PHF20L1: variants seen among roughly 807,000 people sequenced by gnomAD.
PHF20L1 encodes the protein PHD finger protein 20 like 1.
A neutral mutation model predicts 125.5 loss-of-function variants in PHF20L1; 44 were observed. That is an observed-to-expected ratio of 0.35 (90% CI 0.28 to 0.45). PHF20L1 has a LOEUF of 0.45. Among genes scored for constraint, PHF20L1 ranks in the 20% least tolerant of loss-of-function variants. The pLI, the probability that PHF20L1 is intolerant of heterozygous loss-of-function variation, is 1.00. For synonymous variants in PHF20L1, 380 were observed against 403.1 expected, an observed-to-expected ratio of 0.94 and a Z score of 0.69; for missense variants, 1,012 against 1,217.2, an observed-to-expected ratio of 0.83 and a Z score of 2.51.
chr8:132,780,211 A>C (rs544015366), intron 2 of PHF20L1, among the ~76,000 whole-genome samples: 1 of 152,276 alleles, frequency 6.6e-6, no homozygotes, highest in South Asian at 2.1e-4. Context: ...TGCCCCTTAA[A>C]TTTAGTATTA....
Position 132,847,226 on chromosome 8 carries a change from G to A in PHF20L1, c.*1303G>A, listed in dbSNP as rs932103663. ...TACACATATTTATATCACATATCTA[G>A]TTTTATTACTATAGACTATACGAAT... On this transcript the variant is annotated 3_prime_UTR_variant, in exon 21 of 21. Transcript: ENST00000395386. The A allele has an allele frequency of 6.6e-6, 1 of 152,538 alleles. No individual in the cohort carries two copies. The highest frequency in any genetic ancestry group is 2.4e-5 in the African/African-American group (1 of 41,422). The allele number at this position is 152,538 out of a possible 1,614,324, so 9.4% of individuals were successfully genotyped here.
chr8:132,795,709 G>A (rs1175083107), intron 4 of PHF20L1, among the ~76,000 whole-genome samples: 1 of 151,790 alleles, frequency 6.6e-6, no homozygotes, highest in African/African-American at 2.4e-5. Flanking sequence ...ACCCCCAGTG[G>A]GTATTTGAAA....
Position 132,831,988 on chromosome 8 carries a change from A to G in PHF20L1, c.1745-247A>G, listed in dbSNP as rs1388530149. ...TTTTTCACCTCTATAGTACTTCACA[A>G]AAGTTTACAGGTACCAGTTAGAACC... is the stretch of plus-strand genomic sequence containing the variant. On this transcript the variant is annotated intron_variant, in intron 14 of 20. Transcript: ENST00000395386. 3.9e-5 allele frequency among the ~76,000 whole-genome samples: 6 copies of G among 152,224 alleles called. No homozygotes were observed. The East Asian group carries it at 1.2e-3, about 29-fold the overall frequency.
chr8:132,788,336 A>G (rs141985784), intron 2 of PHF20L1, among the ~76,000 whole-genome samples: 77 of 152,298 alleles, frequency 5.1e-4, no homozygotes, highest in Non-Finnish European at 1.3e-4. Context: ...GAAAGTGATT[A>G]TTTAAAATAC....
intron 12 of PHF20L1, among the ~76,000 whole-genome samples, chr8:132,821,530 T>C (rs1835596017): frequency 6.6e-6 from 1 of 151,986 alleles, no homozygotes; most frequent in East Asian, 1.9e-4. Context: ...CAGTTTATTT[T>C]CCAGATTCGT....
intron 6 of PHF20L1, among the ~76,000 whole-genome samples, chr8:132,802,588 C>T (rs1373709490): frequency 1.3e-5 from 2 of 151,736 alleles, no homozygotes; most frequent in East Asian, 1.9e-4. Context: ...AATGCTTAGC[C>T]TAGTACCTGG....
chr8:132,817,239 C>T, intron 11 of PHF20L1, 100 bp from the exon 12 acceptor site: 1 of 1,064,728 alleles, frequency 9.4e-7, no homozygotes, highest in Non-Finnish European at 1.4e-6. Context: ...CTTCTTTGTG[C>T]CAGGCACTGT....
chr8:132,785,142 G>C (rs889566841), intron 2 of PHF20L1, among the ~76,000 whole-genome samples: 4 of 152,112 alleles, frequency 2.6e-5, no homozygotes, highest in African/African-American at 9.7e-5. Context: ...TTGCTTATCT[G>C]ACATTTGGTT....
intron 8 of PHF20L1, chr8:132,807,544 A>G (rs1010723750): frequency 6.1e-5 from 19 of 312,732 alleles, no homozygotes; most frequent in Admixed American, 3.5e-4. Context: ...TGAATTGACC[A>G]GTAGTATGTT....
intron 6 of PHF20L1, chr8:132,803,559 C>T: frequency 2.6e-6 from 1 of 377,824 alleles, no homozygotes; most frequent in Non-Finnish European, 4.8e-6. Context: ...AGATTTTATT[C>T]CTGTGAAAAT....
Position 132,800,305 on chromosome 8 carries a change from A to G in PHF20L1, c.507+1133A>G, listed in dbSNP as rs181819639. On this transcript the variant is annotated intron_variant, in intron 6 of 20. Transcript: ENST00000395386. ...TCAGTGCCAAGATATAAAACAACTG[A>G]AATAATATTTGGGTAGTAGTATATT... Among the ~76,000 whole-genome samples, 6 of 151,840 alleles carry G rather than the reference A, an allele frequency of 4.0e-5. No individual in the cohort carries two copies. In the East Asian group the frequency reaches 1.2e-3, roughly 29 times the overall value.
intron 2 of PHF20L1, among the ~76,000 whole-genome samples, chr8:132,782,624 A>G (rs936486308): frequency 2.6e-5 from 4 of 151,720 alleles, no homozygotes; most frequent in Admixed American, 2.6e-4. Flanking sequence ...ACTGTCACCC[A>G]GGCTGCAGTG....
At chr8:132,829,115 CAG>C (rs1587031198) in intron 14 of PHF20L1, among the ~76,000 whole-genome samples, 1 of 152,032 alleles carries the variant, frequency 6.6e-6, no homozygotes, top group Non-Finnish European at 1.5e-5. Flanking sequence ...GGAATACAGA[CAG>C]GGTGCGGAAT....
In PHF20L1 at chr8:132,775,404, G is replaced by C. The variant is rs1232873653; in HGVS notation, c.-279G>C. On this transcript the variant is annotated 5_prime_UTR_variant, in exon 1 of 21. Coordinates refer to ENST00000395386, the MANE Select transcript of PHF20L1 (RefSeq NM_016018.5). ...CGTCGCGTCAGGGCTGGCCGGCGGCGGAGGCGGCGGCGGCGGCGGCGATGG... is the reference window on the plus strand; with the variant it reads ...CGTCGCGTCAGGGCTGGCCGGCGGCCGAGGCGGCGGCGGCGGCGGCGATGG... 2 of 382,622 alleles carry C rather than the reference G, an allele frequency of 5.2e-6. No individual in the cohort carries two copies. Among genetic ancestry groups the C allele is most frequent in the East Asian group, 3.9e-5 (1 of 25,854 alleles). 23.7% of individuals were successfully genotyped at this position (382,622 alleles called of 1,614,324 possible).
At position 132,817,060 on chromosome 8, in the gene PHF20L1, A is replaced by G. The variant is rs1020836037; in HGVS notation, c.1356A>G (p.Glu452=). Residue 452 remains glutamate (E), a synonymous_variant, in exon 11 of 21, where the codon GAA becomes GAG. Transcript: ENST00000395386. The part of the protein sequence containing the change: ...VFSISSQNQQ[E]SSVPEVPDVA... ...CCATCAGTTCTCAAAATCAGCAAGA[A>G]TCTTCAGTACCAGAGGGTAATGTAT... The G allele has an allele frequency of 6.3e-7, 1 of 1,580,654 alleles. No individual in the cohort carries two copies. Among genetic ancestry groups the G allele is most frequent in the Non-Finnish European group, 8.6e-7 (1 of 1,163,488 alleles).
At chr8:132,834,590 T>C (rs1372810494) in intron 15 of PHF20L1, among the ~76,000 whole-genome samples, 1 of 152,032 alleles carries the variant, frequency 6.6e-6, no homozygotes, top group African/African-American at 2.4e-5. Flanking sequence ...CACCACGGCC[T>C]CCCAAAGTGC....
At chr8:132,807,269 A>G (rs1273586621) in intron 8 of PHF20L1, 1 of 159,726 alleles carries the variant, frequency 6.3e-6, no homozygotes, top group Non-Finnish European at 1.4e-5. Flanking sequence ...ATTGATAGCT[A>G]TTATTATATG....
chr8:132,843,015 T>G, intron 19 of PHF20L1, 140 bp downstream of exon 19: 1 of 1,401,532 alleles, frequency 7.1e-7, no homozygotes, highest in Non-Finnish European at 9.3e-7. Context: ...AAGGAGATTT[T>G]TTTGTTTTCT....
At chr8:132,784,690 T>C (rs983470185) in intron 2 of PHF20L1, among the ~76,000 whole-genome samples, 7 of 152,190 alleles carry the variant, frequency 4.6e-5, no homozygotes, top group Non-Finnish European at 8.8e-5. Context: ...TATAACTATA[T>C]TGGGCATGAA....
Sources: allele counts gnomAD v4.1 joint callset (sites outside exome capture counted in the v4.1 genomes callset), GRCh38; gene constraint gnomAD v4.1.1; transcripts MANE v1.5; gene names NCBI Gene and HGNC (gene_info 2026-07-23, HGNC 2026-07-21).